Variants in DET1 observed in about 807,000 individuals in gnomAD.
DET1 encodes the protein DET1 homolog.
A neutral mutation model predicts 43.7 loss-of-function variants in DET1; 22 were observed. That is an observed-to-expected ratio of 0.50 (90% confidence interval 0.36 to 0.72). The LOEUF (loss-of-function observed/expected upper bound fraction) is 0.72. Ranked by LOEUF, DET1 falls within the 30% of genes least tolerant of loss-of-function variation. The probability of loss-of-function intolerance (pLI) is 0.00; values close to 1 mark genes in which losing one functional copy is unlikely to be tolerated. For synonymous variants in DET1, 315 were observed against 266.2 expected, an observed-to-expected ratio of 1.18 and a Z score of -1.79; for missense variants, 713 against 713.3, an observed-to-expected ratio of 1.00 and a Z score of 0.00.
At chr15:88,541,561 G>T (rs530047204) in intron 1 of DET1, among the ~76,000 whole-genome samples, 24 of 152,262 alleles carry the variant, frequency 1.6e-4, no homozygotes, top group African/African-American at 5.1e-4. Flanking sequence ...CTTTAAAAAG[G>T]CAAGCTCCGG....
chr15:88,540,095 C>T (rs532692052), intron 1 of DET1, among the ~76,000 whole-genome samples: 59 of 152,122 alleles, frequency 3.9e-4, no homozygotes, highest in East Asian at 1.4e-3. Flanking sequence ...GTTTCCACTG[C>T]GACAGCAAGT....
At chr15:88,511,604 G>C (rs1333573866), downstream of DET1, 3 of 984,820 alleles carry the variant, frequency 3.0e-6, no homozygotes, top group Non-Finnish European at 3.6e-6. Context: ...GACACAATGA[G>C]AGCTGTTATT....
chr15:88,522,526 T>TTTTTTTTTTTTTTTTTC (rs2056524001), intron 3 of DET1, among the ~76,000 whole-genome samples: 1 of 147,236 alleles, frequency 6.8e-6, no homozygotes, highest in Non-Finnish European at 1.5e-5. Flanking sequence ...TTTTTTTTTT[T>TTTTTTTTTTTTTTTTTC]TGAGTTGGAG....
chr15:88,546,176 G>A (rs183257932), intron 1 of DET1: 3 of 153,244 alleles, frequency 2.0e-5, no homozygotes, highest in Admixed American at 1.3e-4. Flanking sequence ...GCTAATAAAG[G>A]ACTCTTAATT....
chr15:88,545,170 C>A (rs1276994525), intron 1 of DET1, among the ~76,000 whole-genome samples: 1 of 151,114 alleles, frequency 6.6e-6, no homozygotes, highest in Non-Finnish European at 1.5e-5. Context: ...AAATTATGTA[C>A]TAAAAAAAAA....
In DET1 at chr15:88,531,104, C is replaced by A; in HGVS notation, c.602G>T (p.Gly201Val). Residue 201 changes from glycine (G) to valine (V), a missense_variant, in exon 2 of 5, where the codon GGC becomes GTC. Physicochemically the swap from Gly to Val is moderately radical, Grantham distance 109. Coordinates refer to ENST00000268148, the MANE Select transcript of DET1 (RefSeq NM_001144074.3). This position sits in a 1 kb window ranked among gnomAD's most constrained non-coding sequence, Gnocchi z 6.2. ...YSLHIIDLHT[G>V]RLCDTRTFKC... ...GAACGTGCGTGTATCACATAAGCGG[C>A]CGGTGTGAAGGTCAATGATATGGAG... The A allele has an allele frequency of 6.2e-7, 1 of 1,613,878 alleles. No individual in the cohort carries two copies. The highest frequency in any genetic ancestry group is 8.5e-7 in the Non-Finnish European group (1 of 1,179,878).
chr15:88,515,345 G>A (rs1414187397), intron 4 of DET1, among the ~76,000 whole-genome samples: 1 of 151,878 alleles, frequency 6.6e-6, no homozygotes, highest in East Asian at 1.9e-4. Flanking sequence ...TTCGAGGCCA[G>A]CCTGGCCAAC....
intron 7 of DET1, among the ~76,000 whole-genome samples, chr15:88,506,257 CAT>C (rs1287864732): frequency 6.6e-6 from 1 of 152,216 alleles, no homozygotes. Flanking sequence ...TTCTTATCAT[CAT>C]GCCCAGGGGT....
At position 88,504,919 on chromosome 15, in the gene DET1, T is replaced by C. The variant is rs1403810146; in HGVS notation, c.*2066-932A>G. ...GCATGCATACCACGCCTTCAATTTC[T>C]AGGGACCTATGCGTATAACAAATTT... On this transcript the variant is annotated intron_variant and NMD_transcript_variant, in intron 7 of 8. Transcript: ENST00000557842. The surrounding 1 kb of genome is among the most constrained non-coding windows in gnomAD (Gnocchi z 4.7). The C allele has an allele frequency of 1.3e-5, 2 of 152,246 alleles. No individual in the cohort carries two copies. The highest frequency in any genetic ancestry group is 2.9e-5 in the Non-Finnish European group (2 of 68,056). 9.4% of individuals were successfully genotyped at this position (152,246 alleles called of 1,614,324 possible).
In DET1 at chr15:88,527,787, C is replaced by G; in HGVS notation, c.1084-1G>C. The G allele has an allele frequency of 6.3e-7, 1 of 1,580,968 alleles. No homozygotes were observed. Among genetic ancestry groups the G allele is most frequent in the Non-Finnish European group, 8.6e-7 (1 of 1,161,374 alleles). The stretch of plus-strand genomic sequence containing the variant: ...TATTGTACACCACAAAGAAAGATGC[C>G]TGCAGAAGAAAAGAGAGAGAGGTAT... On this transcript the variant is annotated splice_acceptor_variant, in intron 2 of 4. Transcript: ENST00000268148. LOFTEE classifies it high-confidence loss of function.
intron 3 of DET1, among the ~76,000 whole-genome samples, chr15:88,518,902 T>C (rs927700646): frequency 1.3e-5 from 2 of 152,194 alleles, no homozygotes; most frequent in Non-Finnish European, 2.9e-5. Flanking sequence ...AACACTGCTT[T>C]TCCATTACTC....
chr15:88,533,106 C>T (rs576203721), intron 1 of DET1, among the ~76,000 whole-genome samples: 1 of 152,064 alleles, frequency 6.6e-6, no homozygotes, highest in Non-Finnish European at 1.5e-5. Flanking sequence ...AAATCATATA[C>T]CCAATTTTAA....
chr15:88,543,659 C>T (rs2142350091), intron 1 of DET1, among the ~76,000 whole-genome samples: 1 of 152,308 alleles, frequency 6.6e-6, no homozygotes, highest in Middle Eastern at 3.4e-3. Flanking sequence ...GCTTTACCAG[C>T]AAACACCTCA....
intron 3 of DET1, among the ~76,000 whole-genome samples, chr15:88,523,545 T>A (rs1439675294): frequency 1.3e-5 from 2 of 152,194 alleles, no homozygotes; most frequent in African/African-American, 4.8e-5. Context: ...CCCTGCCTGA[T>A]TCTCCTGCCT....
At chr15:88,524,203 C>A (rs2142288142) in intron 3 of DET1, among the ~76,000 whole-genome samples, 1 of 151,614 alleles carries the variant, frequency 6.6e-6, no homozygotes, top group African/African-American at 2.4e-5. Flanking sequence ...CTCTGCCCCA[C>A]CGCCAGCCCG....
intron 1 of DET1, among the ~76,000 whole-genome samples, chr15:88,539,421 T>C (rs2057041514): frequency 8.6e-6 from 1 of 116,134 alleles, no homozygotes; most frequent in South Asian, 2.7e-4. Flanking sequence ...ACTGATCCCA[T>C]CACGGGAGGG....
At chr15:88,536,093 T>C (rs1224333353) in intron 1 of DET1, among the ~76,000 whole-genome samples, 1 of 152,192 alleles carries the variant, frequency 6.6e-6, no homozygotes, top group Non-Finnish European at 1.5e-5. Context: ...AATTCAAATG[T>C]CTGTAGATTT....
At chr15:88,532,477 G>A (rs922610726) in intron 1 of DET1, among the ~76,000 whole-genome samples, 5 of 152,104 alleles carry the variant, frequency 3.3e-5, no homozygotes, top group Non-Finnish European at 5.9e-5. Context: ...AATTCATATG[G>A]TATCTCAAGG....
At chr15:88,541,800 G>A (rs963765957) in intron 1 of DET1, among the ~76,000 whole-genome samples, 2 of 152,170 alleles carry the variant, frequency 1.3e-5, no homozygotes, top group Admixed American at 6.5e-5. Context: ...GAACCAGGCC[G>A]TGTTTTCACC....
Sources: gnomAD v4.1 joint callset for allele counts (sites outside exome capture counted in the v4.1 genomes callset) on GRCh38, gnomAD v4.1.1 for gene constraint, Gnocchi (gnomAD v3.1) non-coding constraint, MANE v1.5 for transcripts, NCBI Gene and HGNC (gene_info 2026-07-23, HGNC 2026-07-21) for gene names.